RP1: variants seen among roughly 807,000 people sequenced by gnomAD.
RP1 encodes the protein oxygen-regulated protein 1.
Under a neutral mutation model 14.8 loss-of-function variants are expected in RP1, and 16 were observed. The observed-to-expected ratio is 1.08, with a 90% CI of 0.73 to 1.65. The LOEUF is 1.65. Ranked by LOEUF, RP1 falls within the 40% of genes most tolerant of loss-of-function variation. The probability of loss-of-function intolerance (pLI) is 0.00; values close to 1 mark genes in which losing one functional copy is unlikely to be tolerated. For missense variants in RP1, 2,631 were observed against 2,535.0 expected (o/e 1.04, Z -0.81); for synonymous variants, 876 against 883.6 (o/e 0.99, Z 0.15).
At chr8:54,808,725 C>T (rs193134612) in intron 24 of RP1, among the ~76,000 whole-genome samples, 7 of 152,284 alleles carry the variant, frequency 4.6e-5, no homozygotes, top group East Asian at 3.9e-4. Context: ...TACTCCTGCA[C>T]GGGTATAATC....
chr8:54,852,741 G>A (rs1404411442), intron 26 of RP1: 3 of 1,231,516 alleles, frequency 2.4e-6, no homozygotes, highest in Non-Finnish European at 3.0e-6. Context: ...AATAGAAACA[G>A]GTCTTCATCA....
chr8:54,690,886 T>C (rs1807693985), intron 12 of RP1, among the ~76,000 whole-genome samples: 1 of 152,022 alleles, frequency 6.6e-6, no homozygotes, highest in South Asian at 2.1e-4. Context: ...TTAAACATTT[T>C]CCCCCACCAC....
chr8:54,617,446 T>C (rs1023343443), intron 1 of RP1, among the ~76,000 whole-genome samples: 7 of 152,242 alleles, frequency 4.6e-5, no homozygotes, highest in African/African-American at 1.7e-4. Flanking sequence ...ACAGCTAACA[T>C]AGGAGAACTC....
intron 24 of RP1, among the ~76,000 whole-genome samples, chr8:54,784,986 G>A (rs1291130258): frequency 6.6e-6 from 1 of 151,866 alleles, no homozygotes; most frequent in Admixed American, 6.6e-5. Flanking sequence ...ATGGGGTACA[G>A]TGTGATGCTC....
In RP1 at chr8:54,607,842, C is replaced by A. The variant is rs546363421; in HGVS notation, c.-12-13113C>A. Among the ~76,000 whole-genome samples the A allele has an allele frequency of 3.7e-4, 57 of 152,314 alleles. 1 individual carries two copies. The highest frequency in any genetic ancestry group is 1.3e-3 in the African/African-American group (55 of 41,564). On this transcript the variant is annotated intron_variant, in intron 1 of 22. Coordinates refer to the RP1 transcript ENST00000636932. ...CTCTGTGGGCATAGGACCCTCTGAG[C>A]CATGCGTGGGATATAATCTCCTGGT...
chr8:54,860,631 C>T (rs550058765), intron 27 of RP1, among the ~76,000 whole-genome samples: 11 of 152,296 alleles, frequency 7.2e-5, no homozygotes, highest in South Asian at 4.1e-4. Flanking sequence ...CCAGGGGTCC[C>T]GATTCCAGAG....
chr8:54,579,481 T>G (rs544344864), intron 1 of RP1, among the ~76,000 whole-genome samples: 43 of 152,108 alleles, frequency 2.8e-4, no homozygotes, highest in African/African-American at 1.0e-3. Context: ...TTGTGGCATT[T>G]CCCCCCCAGT....
intron 24 of RP1, among the ~76,000 whole-genome samples, chr8:54,801,389 G>A (rs184941111): frequency 8.5e-5 from 13 of 152,294 alleles, no homozygotes; most frequent in Admixed American, 1.3e-4. Context: ...TCCTCCAGGC[G>A]TAGTGGGCCT....
chr8:54,576,654 C>A (rs1804670700), intron 1 of RP1, among the ~76,000 whole-genome samples: 1 of 152,134 alleles, frequency 6.6e-6, no homozygotes, highest in Non-Finnish European at 1.5e-5. Flanking sequence ...TTATTCTAGA[C>A]ATGTAACAGA....
At chr8:54,596,443 T>G (rs1395719863) in intron 1 of RP1, among the ~76,000 whole-genome samples, 1 of 152,220 alleles carries the variant, frequency 6.6e-6, no homozygotes, top group Admixed American at 6.5e-5. Context: ...CTCCTCTACA[T>G]GAATACCTTT....
intron 24 of RP1, among the ~76,000 whole-genome samples, chr8:54,809,872 G>A (rs1810946733): frequency 6.6e-6 from 1 of 152,310 alleles, no homozygotes; most frequent in African/African-American, 2.4e-5. Flanking sequence ...CAGTGTGAAC[G>A]AGAGTTGAAA....
chr8:54,856,450 A>T (rs1298889381), intron 26 of RP1, among the ~76,000 whole-genome samples: 3 of 152,216 alleles, frequency 2.0e-5, no homozygotes, highest in Non-Finnish European at 4.4e-5. Context: ...ATATGTATGT[A>T]CATATACATA....
intron 14 of RP1, among the ~76,000 whole-genome samples, chr8:54,704,254 A>G (rs945920243): frequency 6.6e-6 from 1 of 152,090 alleles, no homozygotes; most frequent in African/African-American, 2.4e-5. Context: ...TCTTCCTTTC[A>G]TTTGAACACT....
chr8:54,865,820 T>C (rs1812444676), intron 27 of RP1: 2 of 1,103,328 alleles, frequency 1.8e-6, no homozygotes, highest in Non-Finnish European at 2.3e-6. Flanking sequence ...AAATCTCCTT[T>C]GTCAACTGAC....
intron 1 of RP1, among the ~76,000 whole-genome samples, chr8:54,603,148 T>C (rs1357075069): frequency 6.6e-6 from 1 of 152,234 alleles, no homozygotes; most frequent in Admixed American, 6.5e-5. Flanking sequence ...CTAGGTTTTC[T>C]TCTAGGGTTT....
chr8:54,628,552 C>A lies in RP1; in HGVS notation c.4670C>A (p.Thr1557Asn), dbSNP rs748670129. ...NSEKETNEGE[T>N]KMVKMMVKTM... ...GAAAAGGAGACCAATGAAGGAGAAA[C>A]TAAGATGGTAAAAATGATGGTGAAA... is the stretch of plus-strand genomic sequence containing the variant. Residue 1557 changes from threonine to asparagine, a missense_variant, in exon 4 of 4, where the codon ACT becomes AAT. Physicochemically the swap from Thr to Asn is moderately conservative, Grantham distance 65. Coordinates refer to ENST00000220676, the MANE Select transcript of RP1 (RefSeq NM_006269.2). 26 of 1,613,748 alleles carry A rather than the reference C, an allele frequency of 1.6e-5. No homozygotes were observed. The South Asian group carries it at 2.9e-4, about 18-fold the overall frequency.
At chr8:54,798,157 G>T (rs1356514086) in intron 24 of RP1, among the ~76,000 whole-genome samples, 1 of 152,038 alleles carries the variant, frequency 6.6e-6, no homozygotes, top group African/African-American at 2.4e-5. Context: ...GGGACTACAG[G>T]CACGTGCCAC....
At chr8:54,833,420 A>G (rs751118768) in intron 24 of RP1, among the ~76,000 whole-genome samples, 5 of 151,910 alleles carry the variant, frequency 3.3e-5, no homozygotes, top group Non-Finnish European at 7.4e-5. Flanking sequence ...AGAATTTATT[A>G]TTGTTGTTGC....
chr8:54,713,888 A>G (rs2129347726), intron 15 of RP1, among the ~76,000 whole-genome samples: 1 of 152,368 alleles, frequency 6.6e-6, no homozygotes, highest in East Asian at 1.9e-4. Context: ...TTTCACTATT[A>G]CTGAAATTGC....
Sources: allele counts gnomAD v4.1 joint callset (sites outside exome capture counted in the v4.1 genomes callset), GRCh38; gene constraint gnomAD v4.1.1; transcripts MANE v1.5; gene names NCBI Gene and HGNC (gene_info 2026-07-23, HGNC 2026-07-21).